The following LDB2 variants were observed in gnomAD, a reference collection of about 807,000 sequenced individuals.
LDB2 encodes the protein LIM domain-binding protein 2.
A neutral mutation model predicts 44.3 loss-of-function variants in LDB2; 12 were observed. That is an observed-to-expected ratio of 0.27 (90% CI 0.17 to 0.44). LDB2 has a LOEUF of 0.44. LDB2 is among the 20% of genes least tolerant of loss of function. The pLI, the probability that LDB2 is intolerant of heterozygous loss-of-function variation, is 1.00. For missense variants in LDB2, 344 were observed against 473.5 expected (o/e 0.73, Z 2.54); for synonymous variants, 164 against 174.8 (o/e 0.94, Z 0.49).
rs563745328 is a variant in LDB2 at position 16,750,389 on chromosome 4, C to T, written c.235+8769G>A. 6.6e-5 allele frequency among the ~76,000 whole-genome samples: 10 copies of T among 152,324 alleles called. No individual in the cohort carries two copies. In the South Asian group the frequency reaches 1.9e-3, roughly 28 times the overall value. On this transcript the variant is annotated intron_variant, in intron 2 of 7. Transcript: ENST00000304523. ...GCTCAACACCTGCCCAGATGCCTGG[C>T]ACAGTCAACGGTAGAAGGCCTGCAA...
At chr4:16,716,242 C>T (rs1319915506) in intron 2 of LDB2, among the ~76,000 whole-genome samples, 2 of 152,184 alleles carry the variant, frequency 1.3e-5, no homozygotes, top group African/African-American at 4.8e-5. Context: ...AACAATGCTT[C>T]TTGCTTCTCA....
chr4:16,721,578 A>C (rs1370489179), intron 2 of LDB2, among the ~76,000 whole-genome samples: 2 of 152,180 alleles, frequency 1.3e-5, no homozygotes, highest in African/African-American at 2.4e-5. Flanking sequence ...CAACAAAAAA[A>C]CTGAGGGGGA....
Position 16,533,115 on chromosome 4 carries a change from C to A in LDB2, c.616-21011G>T, listed in dbSNP as rs777018334. 8.5e-5 allele frequency among the ~76,000 whole-genome samples: 13 copies of A among 152,194 alleles called. No homozygotes were observed. Among genetic ancestry groups the A allele is most frequent in the Non-Finnish European group, 1.8e-4 (12 of 68,044 alleles). On this transcript the variant is annotated intron_variant, in intron 5 of 7. Coordinates refer to ENST00000304523, the MANE Select transcript of LDB2 (RefSeq NM_001290.5). This position sits in a 1 kb window ranked among gnomAD's most constrained non-coding sequence, Gnocchi z 4.1. Reference sequence around the variant, plus strand: ...AAGTTCCAGATCCCAGGAAACCTCTCAGTCCCATTCAGTGGGTTGGCTTGT... The same window carrying A: ...AAGTTCCAGATCCCAGGAAACCTCTAAGTCCCATTCAGTGGGTTGGCTTGT...
chr4:16,628,004 G>T (rs543997203), intron 2 of LDB2, among the ~76,000 whole-genome samples: 1 of 152,078 alleles, frequency 6.6e-6, no homozygotes, highest in Non-Finnish European at 1.5e-5. Context: ...ATGCCTGCAC[G>T]GTTAAAGAAA....
chr4:16,677,324 A>G (rs975046339), intron 2 of LDB2, among the ~76,000 whole-genome samples: 1 of 152,260 alleles, frequency 6.6e-6, no homozygotes, highest in Non-Finnish European at 1.5e-5. Flanking sequence ...AAATAAGCAT[A>G]TGTGCATAAA....
chr4:16,645,227 G>T (rs1176193634), intron 2 of LDB2, among the ~76,000 whole-genome samples: 6 of 152,180 alleles, frequency 3.9e-5, no homozygotes, highest in Non-Finnish European at 4.4e-5. Context: ...TTTTACAATA[G>T]CTGTAGTAAT....
chr4:16,774,237 T>A (rs1359161909), intron 1 of LDB2, among the ~76,000 whole-genome samples: 2 of 147,782 alleles, frequency 1.4e-5, no homozygotes, highest in Non-Finnish European at 1.5e-5. Flanking sequence ...TTCTCAACCA[T>A]CCCTTGTTCA....
At chr4:16,654,763 A>G (rs138687524) in intron 2 of LDB2, among the ~76,000 whole-genome samples, 4 of 152,344 alleles carry the variant, frequency 2.6e-5, no homozygotes, top group African/African-American at 9.6e-5. Flanking sequence ...TATGAGACTC[A>G]TGTTAAGTCT....
intron 2 of LDB2, among the ~76,000 whole-genome samples, chr4:16,644,329 C>G (rs957578426): frequency 6.6e-6 from 1 of 152,148 alleles, no homozygotes; most frequent in African/African-American, 2.4e-5. Context: ...TAAAAAAGGG[C>G]TGATCTAATG....
chr4:16,769,712 T>C (rs1022375124), intron 1 of LDB2, among the ~76,000 whole-genome samples: 1 of 152,170 alleles, frequency 6.6e-6, no homozygotes, highest in Admixed American at 6.5e-5. Flanking sequence ...TTTATTTAAC[T>C]GTAAGCATTA....
chr4:16,888,438 T>C (rs1396992396), intron 1 of LDB2, among the ~76,000 whole-genome samples: 3 of 152,146 alleles, frequency 2.0e-5, no homozygotes, highest in Non-Finnish European at 2.9e-5. Flanking sequence ...TTGCAGGAGA[T>C]TGTGACTACT....
At chr4:16,624,395 T>C (rs1351063808) in intron 2 of LDB2, among the ~76,000 whole-genome samples, 1 of 152,080 alleles carries the variant, frequency 6.6e-6, no homozygotes, top group Non-Finnish European at 1.5e-5. Flanking sequence ...CCATGCCAAG[T>C]TACACAGTAA....
At chr4:16,819,460 GAA>G (rs369605183) in intron 1 of LDB2, among the ~76,000 whole-genome samples, 1 of 93,454 alleles carries the variant, frequency 1.1e-5, no homozygotes, top group Non-Finnish European at 2.0e-5. Flanking sequence ...CTGCACTCAG[GAA>G]AAAAAAAAAA....
At chr4:16,781,891 G>A (rs1057086091) in intron 1 of LDB2, among the ~76,000 whole-genome samples, 1 of 152,168 alleles carries the variant, frequency 6.6e-6, no homozygotes, top group Admixed American at 6.5e-5. Context: ...AGGTTGGAGT[G>A]TCACATCTAC....
chr4:16,813,211 C>A (rs571263007), intron 1 of LDB2, among the ~76,000 whole-genome samples: 1 of 152,224 alleles, frequency 6.6e-6, no homozygotes, highest in African/African-American at 2.4e-5. Context: ...GTCTAGAACT[C>A]CTGGCATCAG....
At position 16,518,363 on chromosome 4, in the gene LDB2, A is replaced by G. The variant is rs570811382; in HGVS notation, c.616-6259T>C. Among the ~76,000 whole-genome samples, 3 of 152,308 alleles carry G rather than the reference A, an allele frequency of 2.0e-5. No homozygotes were observed. The South Asian group carries it at 6.2e-4, about 32-fold the overall frequency. The stretch of plus-strand genomic sequence containing the variant: ...TCTCCCAATCTAGGCTCTGTCTACC[A>G]TCAACATTTTAATTCCATGTTTTTT... On this transcript the variant is annotated intron_variant, in intron 5 of 7. Transcript: ENST00000304523.
chr4:16,851,695 C>T (rs1788293204), intron 1 of LDB2, among the ~76,000 whole-genome samples: 1 of 150,626 alleles, frequency 6.6e-6, no homozygotes, highest in African/African-American at 2.4e-5. Flanking sequence ...ATGAGTGAGG[C>T]CTCAGAGACA....
At chr4:16,892,664 G>C (rs1009412809) in intron 1 of LDB2, among the ~76,000 whole-genome samples, 1 of 152,104 alleles carries the variant, frequency 6.6e-6, no homozygotes, top group Non-Finnish European at 1.5e-5. Context: ...GTTGTTTTAC[G>C]TTTCGTTTGC....
At chr4:16,508,803 AT>A in intron 6 of LDB2, 117 bp from the exon 7 acceptor site, 1 of 987,876 alleles carries the variant, frequency 1.0e-6, no homozygotes, top group Non-Finnish European at 1.4e-6. Flanking sequence ...CTATTTAAAC[AT>A]TTTCCATTTC....
Sources: gnomAD v4.1 joint callset for allele counts (sites outside exome capture counted in the v4.1 genomes callset) on GRCh38, gnomAD v4.1.1 for gene constraint, Gnocchi (gnomAD v3.1) non-coding constraint, MANE v1.5 for transcripts, NCBI Gene and HGNC (gene_info 2026-07-23, HGNC 2026-07-21) for gene names.